The following SIAH1 variants were observed in gnomAD, a reference collection of about 807,000 sequenced individuals.
SIAH1 encodes siah E3 ubiquitin protein ligase 1, also known as E3 ubiquitin-protein ligase SIAH1.
SIAH1 carries 2 observed loss-of-function variants against 20.0 expected under a neutral mutation model. That is an observed-to-expected ratio of 0.10 (90% CI 0.04 to 0.31). SIAH1 has a LOEUF of 0.31. Among genes scored for constraint, SIAH1 ranks in the 10% least tolerant of loss-of-function variants. The probability of loss-of-function intolerance (pLI) is 1.00; values close to 1 mark genes in which losing one functional copy is unlikely to be tolerated. For synonymous variants in SIAH1, 118 were observed against 125.3 expected, an observed-to-expected ratio of 0.94 and a Z score of 0.39; for missense variants, 119 against 355.3, an observed-to-expected ratio of 0.33 and a Z score of 5.35.
chr16:48,384,500 A>G (rs547296458), intron 1 of SIAH1, among the ~76,000 whole-genome samples: 6 of 152,332 alleles, frequency 3.9e-5, no homozygotes, highest in Admixed American at 2.6e-4. Context: ...CAGGTTTATA[A>G]TAAGCTAGAG....
Position 48,361,526 on chromosome 16 carries a change from T to G in SIAH1, c.*54A>C. 1 of 1,585,078 alleles carries G rather than the reference T, an allele frequency of 6.3e-7. No homozygotes were observed. The highest frequency in any genetic ancestry group is 1.7e-5 in the Admixed American group (1 of 59,848). On this transcript the variant is annotated 3_prime_UTR_variant, in exon 2 of 2. Coordinates refer to ENST00000394725, the MANE Select transcript of SIAH1 (RefSeq NM_003031.4). ...GGTTGGCAGACAGATGGGTGCCTTATTTTCTGTGAAACTGAAGTTTTAAAC... is the reference window on the plus strand; with the variant it reads ...GGTTGGCAGACAGATGGGTGCCTTAGTTTCTGTGAAACTGAAGTTTTAAAC...
chr16:48,360,749 T>C lies in SIAH1; in HGVS notation c.*831A>G, dbSNP rs934139351. 2 of 152,638 alleles carry C rather than the reference T, an allele frequency of 1.3e-5. No homozygotes were observed. The highest frequency in any genetic ancestry group is 4.8e-5 in the African/African-American group (2 of 41,464). 9.5% of individuals were successfully genotyped at this position (152,638 alleles called of 1,614,324 possible). On this transcript the variant is annotated 3_prime_UTR_variant, in exon 2 of 2. Coordinates refer to ENST00000394725, the MANE Select transcript of SIAH1 (RefSeq NM_003031.4). ...GAAACAAAAGCCTGATTTGCAGTAT[T>C]TATAAAAATCAATTTATTCTCTAAC...
chr16:48,375,748 T>C lies in SIAH1; in HGVS notation c.-3+9456A>G, dbSNP rs181076708. On this transcript the variant is annotated intron_variant, in intron 1 of 1. Coordinates refer to ENST00000394725, the MANE Select transcript of SIAH1 (RefSeq NM_003031.4). The stretch of plus-strand genomic sequence containing the variant: ...GAAAAAAATAGGTAAGTATAATAGA[T>C]ATGCACATTGATGTATATATTTTCA... Among the ~76,000 whole-genome samples the C allele has an allele frequency of 1.2e-3, 183 of 152,352 alleles. 3 individuals are homozygous for C. The highest frequency in any genetic ancestry group is 1.3e-3 in the East Asian group (7 of 5,194).
intron 1 of SIAH1, among the ~76,000 whole-genome samples, chr16:48,382,600 G>A (rs1329258578): frequency 6.6e-6 from 1 of 152,078 alleles, no homozygotes; most frequent in African/African-American, 2.4e-5. Context: ...TACTATTAAG[G>A]ATACTTATTG....
At chr16:48,368,125 A>G (rs1176731577) in intron 1 of SIAH1, among the ~76,000 whole-genome samples, 1 of 152,216 alleles carries the variant, frequency 6.6e-6, no homozygotes, top group African/African-American at 2.4e-5. Flanking sequence ...TTTAAAATGG[A>G]GAAATGTAGT....
intron 1 of SIAH1, among the ~76,000 whole-genome samples, chr16:48,370,688 C>T (rs1960961376): frequency 6.6e-6 from 1 of 151,974 alleles, no homozygotes; most frequent in Admixed American, 6.6e-5. Flanking sequence ...CGCCTGTAGT[C>T]CCAGCTATTC....
chr16:48,378,077 C>G (rs937743897), intron 1 of SIAH1, among the ~76,000 whole-genome samples: 2 of 152,100 alleles, frequency 1.3e-5, no homozygotes, highest in Non-Finnish European at 2.9e-5. Flanking sequence ...ACAGGCCGGG[C>G]GCAGTGGCTC....
chr16:48,371,512 T>G (rs375219456), intron 1 of SIAH1, among the ~76,000 whole-genome samples: 1 of 152,260 alleles, frequency 6.6e-6, no homozygotes, highest in Admixed American at 6.5e-5. Flanking sequence ...ATTCTAAGTC[T>G]GCCATTAAGT....
At chr16:48,381,419 G>A (rs981181003) in intron 1 of SIAH1, among the ~76,000 whole-genome samples, 1 of 152,192 alleles carries the variant, frequency 6.6e-6, no homozygotes, top group Non-Finnish European at 1.5e-5. Flanking sequence ...ACCCAAAGGA[G>A]TTACAAACTC....
At chr16:48,382,261 C>T (rs763968232) in intron 1 of SIAH1, among the ~76,000 whole-genome samples, 4 of 152,086 alleles carry the variant, frequency 2.6e-5, no homozygotes, top group Non-Finnish European at 5.9e-5. Flanking sequence ...ATGGCACATG[C>T]TCCTAGTCCC....
chr16:48,361,257 A>C lies in SIAH1; in HGVS notation c.*323T>G, dbSNP rs963953122. ...CAGGCACACACTCCCACGCAAAAAC[A>C]AACTTTTTCAACAATACAATCAATC... On this transcript the variant is annotated 3_prime_UTR_variant, in exon 2 of 2. Coordinates refer to ENST00000394725, the MANE Select transcript of SIAH1 (RefSeq NM_003031.4). 7.1e-6 allele frequency: 2 copies of C among 281,726 alleles called. No individual in the cohort carries two copies. The highest frequency in any genetic ancestry group is 2.2e-5 in the African/African-American group (1 of 44,922). 17.5% of individuals were successfully genotyped at this position (281,726 alleles called of 1,614,324 possible). A position where few individuals can be genotyped will look rare whatever the true frequency, so the allele number is the denominator to read the frequency against.
chr16:48,365,285 GTC>G, intron 1 of SIAH1: 1 of 1,208,406 alleles, frequency 8.3e-7, no homozygotes, highest in Non-Finnish European at 1.2e-6. Flanking sequence ...CCTCGGAAAC[GTC>G]TCGATTCTGC....
Position 48,361,704 on chromosome 16 carries a change from G to C in SIAH1, c.725C>G (p.Ser242Cys). 1 of 1,614,164 alleles carries C rather than the reference G, an allele frequency of 6.2e-7. No homozygotes were observed. Among genetic ancestry groups the C allele is most frequent in the Non-Finnish European group, 8.5e-7 (1 of 1,180,006 alleles). ...GGCTGTTGCAATTCCTTCATGAATA[G>C]ATCGAGGAGTCGCTTCCCAAGTCAA... ...RRLTWEATPRSIHEGIATAIM... is the reference protein window; with the variant it reads ...RRLTWEATPRCIHEGIATAIM... Residue 242 changes from serine (S) to cysteine (C), a missense_variant, in exon 2 of 2, where the codon TCT becomes TGT. Coordinates refer to ENST00000394725, the MANE Select transcript of SIAH1 (RefSeq NM_003031.4).
intron 1 of SIAH1, among the ~76,000 whole-genome samples, chr16:48,378,464 T>C (rs1017559006): frequency 5.9e-5 from 9 of 152,114 alleles, no homozygotes; most frequent in African/African-American, 2.2e-4. Flanking sequence ...AGTCAAGAGG[T>C]GGTTTCCTGT....
chr16:48,385,325 G>A lies in SIAH1; in HGVS notation c.-124C>T. 5.4e-6 allele frequency: 1 copy of A among 185,776 alleles called. No homozygotes were observed. Among genetic ancestry groups the A allele is most frequent in the Non-Finnish European group, 1.2e-5 (1 of 86,764 alleles). 11.5% of individuals were successfully genotyped at this position (185,776 alleles called of 1,614,324 possible). A position where few individuals can be genotyped will look rare whatever the true frequency, so the allele number is the denominator to read the frequency against. ...GCGCCGAGACCGACGGGACACCCTG[G>A]GCCGCCGCCGCCTCTCGAGAGCGCG... On this transcript the variant is annotated 5_prime_UTR_variant, in exon 1 of 2. Transcript: ENST00000394725.
chr16:48,379,574 T>C (rs1961209286), intron 1 of SIAH1, among the ~76,000 whole-genome samples: 1 of 152,224 alleles, frequency 6.6e-6, no homozygotes, highest in Non-Finnish European at 1.5e-5. Flanking sequence ...CAATAACTTT[T>C]TACTGAGCAC....
chr16:48,380,384 C>T (rs1226787491), intron 1 of SIAH1, among the ~76,000 whole-genome samples: 2 of 151,632 alleles, frequency 1.3e-5, no homozygotes, highest in African/African-American at 2.4e-5. Context: ...GCCTGGGAGG[C>T]GGAGGTTGCA....
chr16:48,380,311 G>C (rs1247170956), intron 1 of SIAH1, among the ~76,000 whole-genome samples: 1 of 151,778 alleles, frequency 6.6e-6, no homozygotes, highest in Non-Finnish European at 1.5e-5. Context: ...CGGTGGGCTC[G>C]TTCCTCTAAT....
At chr16:48,378,477 AG>A (rs1461285613) in intron 1 of SIAH1, among the ~76,000 whole-genome samples, 1 of 152,234 alleles carries the variant, frequency 6.6e-6, no homozygotes, top group Non-Finnish European at 1.5e-5. Context: ...TTTCCTGTGA[AG>A]GGGGCGGCTC....
Sources: gnomAD v4.1 joint callset for allele counts (sites outside exome capture counted in the v4.1 genomes callset) on GRCh38, gnomAD v4.1.1 for gene constraint, MANE v1.5 for transcripts, NCBI Gene and HGNC (gene_info 2026-07-23, HGNC 2026-07-21) for gene names.